TMPRSS15: variants seen among roughly 807,000 people sequenced by gnomAD.
TMPRSS15 encodes the protein transmembrane serine protease 15.
In TMPRSS15, 128 loss-of-function variants were observed where a neutral mutation model predicts 125.3. The observed-to-expected ratio is 1.02, with a 90% CI of 0.89 to 1.18. The LOEUF is 1.18. TMPRSS15 is among the 50% of genes most tolerant of loss of function. TMPRSS15 has a pLI of 0.00. For synonymous variants in TMPRSS15, 446 were observed against 423.2 expected (o/e 1.05, Z -0.66); for missense variants, 1,283 against 1,212.7 (o/e 1.06, Z -0.86).
intron 18 of TMPRSS15, among the ~76,000 whole-genome samples, chr21:18,303,692 T>C (rs553185207): frequency 6.6e-6 from 1 of 152,266 alleles, no homozygotes; most frequent in Non-Finnish European, 1.5e-5. Context: ...TGTTTTTATA[T>C]AACAAAATAA....
At chr21:18,485,226 A>G (rs1169020673) in intron 1 of TMPRSS15, among the ~76,000 whole-genome samples, 1 of 151,886 alleles carries the variant, frequency 6.6e-6, no homozygotes, top group African/African-American at 2.4e-5. Context: ...AAATTGTTAA[A>G]TTAATAGATA....
chr21:18,391,931 TG>T (rs1350699024), intron 3 of TMPRSS15, among the ~76,000 whole-genome samples: 1 of 151,572 alleles, frequency 6.6e-6, no homozygotes, highest in Admixed American at 6.6e-5. Flanking sequence ...GTGTAGAGCT[TG>T]CACCCTCTTA....
At chr21:18,481,879 T>C (rs2123292265) in intron 1 of TMPRSS15, among the ~76,000 whole-genome samples, 1 of 151,834 alleles carries the variant, frequency 6.6e-6, no homozygotes, top group South Asian at 2.1e-4. Flanking sequence ...TCTTAATTTA[T>C]ATAATCAAAA....
chr21:18,280,986 GTT>G (rs1376582902), intron 22 of TMPRSS15, 52 bp downstream of exon 22: 2 of 1,555,428 alleles, frequency 1.3e-6, no homozygotes, highest in African/African-American at 2.7e-5. Context: ...TTGAAATCTA[GTT>G]TTGAATTAAT....
intron 18 of TMPRSS15, among the ~76,000 whole-genome samples, chr21:18,303,515 A>G (rs1051618717): frequency 1.6e-4 from 25 of 152,200 alleles, no homozygotes; most frequent in Admixed American, 4.6e-4. Flanking sequence ...AGCACTTTTT[A>G]GAATAAAAGC....
chr21:18,359,762 A>G lies in TMPRSS15; in HGVS notation c.875T>C (p.Leu292Ser). 7.3e-7 allele frequency: 1 copy of G among 1,368,436 alleles called. No homozygotes were observed. The highest frequency in any genetic ancestry group is 1.0e-6 in the Non-Finnish European group (1 of 960,766). The allele number at this position is 1,368,436 out of a possible 1,614,324, so 84.8% of individuals were successfully genotyped here. The part of the protein sequence containing the change: ...IYEGVGSSKI[L>S]RASIWETNPG... ...GTATATTTGTTTCAACTTACCTCTT[A>G]AAATCTTGCTTGATCCTACACCTTC... Residue 292 changes from leucine (L) to serine (S), a missense_variant, in exon 8 of 25, where the codon TTA becomes TCA. Transcript: ENST00000284885.
Position 18,294,371 on chromosome 21 carries a change from G to T in TMPRSS15, c.2385C>A (p.Ala795=). The part of the protein sequence containing the change: ...IVGGSNAKEG[A]WPWVVGLYYG... Reference sequence around the variant, plus strand: ...AATACAGACCCACAACCCAGGGCCAGGCCCCTTCTTTGGCATTACTTCCTC... The same window carrying T: ...AATACAGACCCACAACCCAGGGCCATGCCCCTTCTTTGGCATTACTTCCTC... The change falls in exon 21 of 25, where the codon GCC becomes GCA. Residue 795 remains alanine (A), a synonymous_variant. Transcript: ENST00000284885. The T allele has an allele frequency of 3.1e-6, 5 of 1,614,252 alleles. No homozygotes were observed. The highest frequency in any genetic ancestry group is 4.2e-6 in the Non-Finnish European group (5 of 1,180,046).
At chr21:18,317,189 TA>T (rs1216060879) in intron 16 of TMPRSS15, among the ~76,000 whole-genome samples, 1 of 152,124 alleles carries the variant, frequency 6.6e-6, no homozygotes, top group Non-Finnish European at 1.5e-5. Context: ...TGACCAAACA[TA>T]AAGCCACTTG....
chr21:18,319,661 T>C (rs1263263597), intron 16 of TMPRSS15, among the ~76,000 whole-genome samples: 2 of 152,132 alleles, frequency 1.3e-5, no homozygotes, highest in African/African-American at 4.8e-5. Context: ...ACTCCCGACC[T>C]CAGGTGATCT....
chr21:18,344,845 A>G (rs2075488392), intron 10 of TMPRSS15, among the ~76,000 whole-genome samples: 1 of 152,244 alleles, frequency 6.6e-6, no homozygotes, highest in African/African-American at 2.4e-5. Context: ...TAAATATTAT[A>G]TAAAGCAAAT....
At chr21:18,326,963 T>A (rs1483031266) in intron 15 of TMPRSS15, among the ~76,000 whole-genome samples, 2 of 152,164 alleles carry the variant, frequency 1.3e-5, no homozygotes, top group Admixed American at 6.5e-5. Context: ...TATTCAGTAT[T>A]TTTTTGTATG....
At position 18,294,364 on chromosome 21, in the gene TMPRSS15, A is replaced by C; in HGVS notation, c.2392T>G (p.Trp798Gly). The change falls in exon 21 of 25, where the codon TGG becomes GGG. Residue 798 changes from tryptophan to glycine, a missense_variant. By Grantham distance (184) the Trp-to-Gly change is radical. Transcript: ENST00000284885. ...CCGCCATAATACAGACCCACAACCCAGGGCCAGGCCCCTTCTTTGGCATTA... is the reference window on the plus strand; with the variant it reads ...CCGCCATAATACAGACCCACAACCCCGGGCCAGGCCCCTTCTTTGGCATTA... Reference protein sequence around the residue: ...GSNAKEGAWPWVVGLYYGGRL... With the variant: ...GSNAKEGAWPGVVGLYYGGRL... The C allele has an allele frequency of 6.2e-7, 1 of 1,614,246 alleles. No homozygotes were observed. Among genetic ancestry groups the C allele is most frequent in the Admixed American group, 1.7e-5 (1 of 60,028 alleles).
intron 17 of TMPRSS15, among the ~76,000 whole-genome samples, chr21:18,313,974 C>T (rs1370615438): frequency 6.6e-6 from 1 of 151,790 alleles, no homozygotes; most frequent in African/African-American, 2.4e-5. Flanking sequence ...ATTTTACAAC[C>T]ATTTTGAACA....
intron 16 of TMPRSS15, among the ~76,000 whole-genome samples, chr21:18,325,781 A>G (rs2146960335): frequency 6.6e-6 from 1 of 152,200 alleles, no homozygotes. Flanking sequence ...ATGCAAATAT[A>G]TGCAAATACT....
chr21:18,382,340 T>C (rs894525538), intron 4 of TMPRSS15, among the ~76,000 whole-genome samples: 1 of 152,124 alleles, frequency 6.6e-6, no homozygotes, highest in Non-Finnish European at 1.5e-5. Flanking sequence ...AAATAGACAG[T>C]CTCTGCTCAA....
chr21:18,381,932 A>G (rs940886648), intron 4 of TMPRSS15, among the ~76,000 whole-genome samples: 8 of 152,106 alleles, frequency 5.3e-5, no homozygotes, highest in Non-Finnish European at 1.2e-4. Context: ...CCCATGACAC[A>G]AGTTTACCTA....
chr21:18,276,149 T>C (rs2146857960), intron 23 of TMPRSS15, among the ~76,000 whole-genome samples: 1 of 152,322 alleles, frequency 6.6e-6, no homozygotes, highest in Admixed American at 6.5e-5. Context: ...CATTTCTAGC[T>C]AAATTTAATT....
At chr21:18,353,392 C>A (rs1202965613) in intron 9 of TMPRSS15, among the ~76,000 whole-genome samples, 1 of 151,730 alleles carries the variant, frequency 6.6e-6, no homozygotes, top group Non-Finnish European at 1.5e-5. Flanking sequence ...AAATTTAATA[C>A]CTTGATCCAA....
At chr21:18,485,606 CTCT>C (rs1242724023) in intron 1 of TMPRSS15, among the ~76,000 whole-genome samples, 6 of 151,884 alleles carry the variant, frequency 4.0e-5, no homozygotes, top group East Asian at 1.9e-4. Flanking sequence ...TACATAGTTT[CTCT>C]TCTTTATTCT....
Sources: allele counts gnomAD v4.1 joint callset (sites outside exome capture counted in the v4.1 genomes callset), GRCh38; gene constraint gnomAD v4.1.1; transcripts MANE v1.5; gene names NCBI Gene and HGNC (gene_info 2026-07-23, HGNC 2026-07-21).